ISL1: variants seen among roughly 807,000 people sequenced by gnomAD.
ISL1 encodes the protein insulin gene enhancer protein ISL-1.
Under a neutral mutation model 35.3 loss-of-function variants are expected in ISL1, and 4 were observed. The ratio of observed to expected loss-of-function variants is 0.11; its 90% confidence interval spans 0.06 to 0.26. ISL1 has a LOEUF of 0.26. Among genes scored for constraint, ISL1 ranks in the 10% least tolerant of loss-of-function variants. ISL1 has a pLI of 1.00. For synonymous variants in ISL1, 186 were observed against 172.3 expected (o/e 1.08, Z -0.62); for missense variants, 340 against 472.8 (o/e 0.72, Z 2.60).
At chr5:51,388,311 C>G (rs1213430384) in intron 3 of ISL1, among the ~76,000 whole-genome samples, 1 of 152,178 alleles carries the variant, frequency 6.6e-6, no homozygotes, top group African/African-American at 2.4e-5. Context: ...TTAAAAACTG[C>G]AGGCCATTGC....
Position 51,389,630 on chromosome 5 carries a change from G to T in ISL1, c.479-16G>T. ...GAGCCTCCAGCCCAGCGCTCACGGCGCTCCTTGCCCCGCAGCGGAGCCCAT... is the reference window on the plus strand; with the variant it reads ...GAGCCTCCAGCCCAGCGCTCACGGCTCTCCTTGCCCCGCAGCGGAGCCCAT... On this transcript the variant is annotated splice_polypyrimidine_tract_variant and intron_variant, in intron 3 of 5. Coordinates refer to ENST00000230658, the MANE Select transcript of ISL1 (RefSeq NM_002202.3). This position sits in a 1 kb window ranked among gnomAD's most constrained non-coding sequence, Gnocchi z 5.0. 6.2e-7 allele frequency: 1 copy of T among 1,600,768 alleles called. No homozygotes were observed. Among genetic ancestry groups the T allele is most frequent in the Non-Finnish European group, 8.5e-7 (1 of 1,177,068 alleles).
chr5:51,386,898 G>T lies in ISL1; in HGVS notation c.219-592G>T, dbSNP rs192983327. Among the ~76,000 whole-genome samples, 107 of 152,284 alleles carry T rather than the reference G, an allele frequency of 7.0e-4. 1 individual carries two copies. Among genetic ancestry groups the T allele is most frequent in the Non-Finnish European group, 1.5e-4 (10 of 68,032 alleles). ...AAAGGAGATGTGGAAACTCTCAGAG[G>T]TTTCATTTTGTTATTCTGCTTGTTT... On this transcript the variant is annotated intron_variant, in intron 2 of 5. Coordinates refer to ENST00000230658, the MANE Select transcript of ISL1 (RefSeq NM_002202.3).
Position 51,393,770 on chromosome 5 carries a change from A to ACCT in ISL1, c.*160_*161insCCT. 1 of 679,794 alleles carries ACCT rather than the reference A, an allele frequency of 1.5e-6. No individual in the cohort carries two copies. The highest frequency in any genetic ancestry group is 2.7e-6 in the Non-Finnish European group (1 of 373,804). The allele number at this position is 679,794 out of a possible 1,614,324, so 42.1% of individuals were successfully genotyped here. On this transcript the variant is annotated 3_prime_UTR_variant, in exon 6 of 6. Coordinates refer to ENST00000230658, the MANE Select transcript of ISL1 (RefSeq NM_002202.3). ...AAGTCTGTTTTAATGACAAGGTGAT[A>ACCT]TGGTAGCAACACTGTGAAGACAATC...
At chr5:51,393,376 G>T in intron 5 of ISL1, 118 bp from the exon 6 acceptor site, 1 of 729,636 alleles carries the variant, frequency 1.4e-6, no homozygotes. Context: ...TTATCTATGT[G>T]AATATCTTTA....
chr5:51,391,787 A>G (rs904096665), intron 5 of ISL1, among the ~76,000 whole-genome samples: 1 of 152,124 alleles, frequency 6.6e-6, no homozygotes, highest in South Asian at 2.1e-4. Context: ...TAGAGTTGTC[A>G]AGGACTTCAG....
intron 1 of ISL1, 126 bp from the exon 2 acceptor site, chr5:51,384,415 A>G (rs4151674): frequency 0.035 from 27,145 of 782,770 alleles, 528 homozygotes; most frequent in Non-Finnish European, 0.042. Flanking sequence ...AAAAAAAAAA[A>G]AAAGAAAGAA....
Position 51,383,627 on chromosome 5 carries a change from T to G in ISL1, c.-45T>G. On this transcript the variant is annotated 5_prime_UTR_variant, in exon 1 of 6. Coordinates refer to ENST00000230658, the MANE Select transcript of ISL1 (RefSeq NM_002202.3). ...TCCTCTCTGTGGGCTGTTCACCAAC[T>G]GTACAACCACCATTTCACTGTGGAC... The G allele has an allele frequency of 6.5e-7, 1 of 1,535,204 alleles. No homozygotes were observed. Among genetic ancestry groups the G allele is most frequent in the Non-Finnish European group, 9.0e-7 (1 of 1,108,092 alleles).
In ISL1 at chr5:51,389,890, C is replaced by T. The variant is rs754264108; in HGVS notation, c.723C>T (p.Ile241=). Residue 241 remains isoleucine (I), a synonymous_variant, in exon 4 of 6, where the codon ATC becomes ATT. Transcript: ENST00000230658. The surrounding 1 kb of genome is among the most constrained non-coding windows in gnomAD (Gnocchi z 5.0). The part of the protein sequence containing the change: ...NKRCKDKKRS[I]MMKQLQQQQP... ...GGTGCAAGGACAAGAAGCGAAGCAT[C>T]ATGATGAAGCAACTCCAGCAGCAGC... 3.1e-6 allele frequency: 5 copies of T among 1,614,154 alleles called. No homozygotes were observed. The South Asian group carries it at 4.4e-5, about 14-fold the overall frequency.
At chr5:51,386,501 T>C (rs1242856376) in intron 2 of ISL1, 3 of 447,506 alleles carry the variant, frequency 6.7e-6, no homozygotes, top group African/African-American at 6.1e-5. Context: ...TCCTGTTATG[T>C]GGATCTTTTC....
rs1355468650 is a variant in ISL1, at chr5:51,389,573, G to A, written c.479-73G>A. On this transcript the variant is annotated intron_variant, in intron 3 of 5. Coordinates refer to ENST00000230658, the MANE Select transcript of ISL1 (RefSeq NM_002202.3). This position sits in a 1 kb window ranked among gnomAD's most constrained non-coding sequence, Gnocchi z 5.0. ...GGCGGGCGGGCAAGCGAGCGAGCGA[G>A]CGAGCGCGCGACCGCGGGCGGGCCG... 34 of 1,333,804 alleles carry A rather than the reference G, an allele frequency of 2.5e-5. No individual in the cohort carries two copies. The highest frequency in any genetic ancestry group is 3.8e-5 in the Admixed American group (1 of 26,246). 82.6% of individuals were successfully genotyped at this position (1,333,804 alleles called of 1,614,324 possible). A position where few individuals can be genotyped will look rare whatever the true frequency, so the allele number is the denominator to read the frequency against.
chr5:51,391,330 C>A lies in ISL1; in HGVS notation c.822C>A (p.Asp274Glu). 1 of 1,613,792 alleles carries A rather than the reference C, an allele frequency of 6.2e-7. No individual in the cohort carries two copies. Among genetic ancestry groups the A allele is most frequent in the Non-Finnish European group, 8.5e-7 (1 of 1,180,008 alleles). Residue 274 changes from aspartate to glutamate, a missense_variant, in exon 5 of 6, where the codon GAC becomes GAA. Coordinates refer to ENST00000230658, the MANE Select transcript of ISL1 (RefSeq NM_002202.3). The part of the protein sequence containing the change: ...PMVAASPERH[D>E]GGLQANPVEV... Reference sequence around the variant, plus strand: ...TGGCTGCCAGTCCAGAGAGACACGACGGTGGCTTACAGGCTAACCCAGTGG... The same window carrying A: ...TGGCTGCCAGTCCAGAGAGACACGAAGGTGGCTTACAGGCTAACCCAGTGG...
chr5:51,385,443 T>C (rs1025016299), intron 2 of ISL1, among the ~76,000 whole-genome samples: 61 of 152,212 alleles, frequency 4.0e-4, no homozygotes, highest in African/African-American at 1.4e-3. Context: ...GAACAATTGG[T>C]ATATTTAGAT....
At position 51,392,297 on chromosome 5, in the gene ISL1, T is replaced by C. The variant is rs148289944; in HGVS notation, c.933+856T>C. ...TATGTCCTTTGTAATATGCTATATT[T>C]ATATAGATGATTTTTTTTTCTTAAA... is the stretch of plus-strand genomic sequence containing the variant. On this transcript the variant is annotated intron_variant, in intron 5 of 5. Transcript: ENST00000230658. Among the ~76,000 whole-genome samples, 386 of 152,328 alleles carry C rather than the reference T, an allele frequency of 2.5e-3. 2 individuals carry two copies. The highest frequency in any genetic ancestry group is 7.0e-3 in the African/African-American group (292 of 41,580).
chr5:51,391,599 C>T, intron 5 of ISL1, 158 bp downstream of exon 5: 1 of 758,624 alleles, frequency 1.3e-6, no homozygotes, highest in Non-Finnish European at 2.2e-6. Context: ...GAGACAAATG[C>T]AGGGAAAACG....
At chr5:51,384,282 C>A (rs1388988518) in intron 1 of ISL1, among the ~76,000 whole-genome samples, 1 of 149,974 alleles carries the variant, frequency 6.7e-6, no homozygotes, top group Non-Finnish European at 1.5e-5. Context: ...GGTTTGATTG[C>A]GTGCTAGGCG....
intron 5 of ISL1, 30 bp downstream of exon 5, chr5:51,391,471 T>G (rs1340898576): frequency 6.2e-7 from 1 of 1,612,686 alleles, no homozygotes. Context: ...TGGAAGAGGC[T>G]GAATTCCCAA....
intron 2 of ISL1, among the ~76,000 whole-genome samples, chr5:51,384,939 G>A (rs1399529504): frequency 1.3e-5 from 2 of 152,092 alleles, no homozygotes; most frequent in Admixed American, 6.5e-5. Context: ...CCTTAACAGT[G>A]GTATTCATAA....
Position 51,387,878 on chromosome 5 carries a change from A to G in ISL1, c.478+129A>G, listed in dbSNP as rs955662756. The G allele has an allele frequency of 3.2e-6, 4 of 1,253,252 alleles. No homozygotes were observed. The highest frequency in any genetic ancestry group is 4.5e-6 in the Non-Finnish European group (4 of 894,098). 77.6% of individuals were successfully genotyped at this position (1,253,252 alleles called of 1,614,324 possible). On this transcript the variant is annotated intron_variant, in intron 3 of 5. Transcript: ENST00000230658. The surrounding 1 kb of genome is among the most constrained non-coding windows in gnomAD (Gnocchi z 4.3). The stretch of plus-strand genomic sequence containing the variant: ...CCTGCAGTTAAATGAAGTGTTCTGT[A>G]TGCAATTTGCGCTGTGCTCTGCTCC...
intron 4 of ISL1, among the ~76,000 whole-genome samples, chr5:51,390,642 C>CTTTCTTTTTTTTTTTTT (rs1747483445): frequency 7.5e-5 from 3 of 40,204 alleles, no homozygotes; most frequent in Non-Finnish European, 1.4e-4. Flanking sequence ...CTTTCTTTTT[C>CTTTCTTTTTTTTTTTTT]TTTTTTTTTT....
Sources: gnomAD v4.1 joint callset for allele counts (sites outside exome capture counted in the v4.1 genomes callset) on GRCh38, gnomAD v4.1.1 for gene constraint, Gnocchi (gnomAD v3.1) non-coding constraint, MANE v1.5 for transcripts, NCBI Gene and HGNC (gene_info 2026-07-23, HGNC 2026-07-21) for gene names.